Variants in SUMF1 observed in about 807,000 individuals in gnomAD.
SUMF1 encodes sulfatase modifying factor 1.
Under a neutral mutation model 47.6 loss-of-function variants are expected in SUMF1, and 48 were observed. The observed-to-expected ratio is 1.01, with a 90% CI of 0.80 to 1.28. SUMF1 has a LOEUF of 1.28. SUMF1 is among the 50% of genes most tolerant of loss of function. SUMF1 has a pLI of 0.00. For missense variants in SUMF1, 571 were observed against 485.4 expected (o/e 1.18, Z -1.66); for synonymous variants, 230 against 192.1 (o/e 1.20, Z -1.63).
intron 8 of SUMF1, among the ~76,000 whole-genome samples, chr3:4,074,496 G>A (rs896197299): frequency 6.6e-6 from 1 of 151,888 alleles, no homozygotes; most frequent in African/African-American, 2.4e-5. Flanking sequence ...GCTCAGAGCA[G>A]GACTAAAGGA....
chr3:4,389,251 T>G (rs1264397236), intron 7 of SUMF1, among the ~76,000 whole-genome samples: 3 of 152,200 alleles, frequency 2.0e-5, no homozygotes, highest in East Asian at 1.9e-4. Context: ...AACAATACTT[T>G]TCTTTCAGCA....
chr3:4,238,544 A>G (rs569945661), intron 8 of SUMF1, among the ~76,000 whole-genome samples: 4 of 152,196 alleles, frequency 2.6e-5, no homozygotes, highest in African/African-American at 9.6e-5. Context: ...TGAGTTTTTC[A>G]TATGTCTGTT....
At chr3:4,303,763 G>A in intron 8 of SUMF1, 1 of 1,465,962 alleles carries the variant, frequency 6.8e-7, no homozygotes, top group Non-Finnish European at 9.1e-7. Flanking sequence ...GCGCAGAACC[G>A]GAGGCCTTGT....
At position 4,120,506 on chromosome 3, in the gene SUMF1, A is replaced by G. The variant is rs563831186; in HGVS notation, c.1015-51761T>C. On this transcript the variant is annotated intron_variant and NMD_transcript_variant, in intron 8 of 12. Coordinates refer to the SUMF1 transcript ENST00000448413. ...TTGTACAACTCTGACCTAAAATACC[A>G]TCTTCTTTGTCTACCTGTTGGGAAA... 2.0e-5 allele frequency among the ~76,000 whole-genome samples: 3 copies of G among 152,268 alleles called. No individual in the cohort carries two copies. The South Asian group carries it at 6.2e-4, about 32-fold the overall frequency.
rs13081153 is a variant in SUMF1, at chr3:4,048,831, A to C, written c.1191+19738T>G. Reference sequence around the variant, plus strand: ...TGCTAGATTCTAATTTCTCTGAGGCAGGTTACCAACCTAATTTATTTCTGG... The same window carrying C: ...TGCTAGATTCTAATTTCTCTGAGGCCGGTTACCAACCTAATTTATTTCTGG... On this transcript the variant is annotated intron_variant and NMD_transcript_variant, in intron 9 of 12. Transcript: ENST00000448413. Among the ~76,000 whole-genome samples, 1,303 of 152,268 alleles carry C rather than the reference A, an allele frequency of 8.6e-3. 15 individuals are homozygous for C. The highest frequency in any genetic ancestry group is 0.01 in the Admixed American group (158 of 15,280).
intron 8 of SUMF1, among the ~76,000 whole-genome samples, chr3:4,238,523 A>T (rs1375801653): frequency 6.6e-6 from 1 of 152,096 alleles, no homozygotes; most frequent in Non-Finnish European, 1.5e-5. Context: ...TTCTCTAACG[A>T]CCAGTGACGA....
At chr3:4,081,258 C>G (rs1260405484) in intron 8 of SUMF1, among the ~76,000 whole-genome samples, 1 of 152,080 alleles carries the variant, frequency 6.6e-6, no homozygotes, top group Non-Finnish European at 1.5e-5. Flanking sequence ...TTTTTCTAAA[C>G]CTCAGAGCAC....
intron 8 of SUMF1, among the ~76,000 whole-genome samples, chr3:4,121,644 T>C (rs1693547317): frequency 6.6e-6 from 1 of 152,172 alleles, no homozygotes; most frequent in Non-Finnish European, 1.5e-5. Context: ...CATTCCTAGG[T>C]ATATACCCAA....
At chr3:4,458,371 C>T (rs188419276) in intron 1 of SUMF1, among the ~76,000 whole-genome samples, 40 of 152,274 alleles carry the variant, frequency 2.6e-4, no homozygotes, top group African/African-American at 8.9e-4. Flanking sequence ...AGCTATCCCA[C>T]TTCTGGGTAT....
Position 4,317,066 on chromosome 3 carries a change from C to T in SUMF1, c.1014+59264G>A, listed in dbSNP as rs766759932. ...CTGACCTCTTGCCAACCAACTACCACGTCTTTAAGCATCTCAACAACTTTT... is the reference window on the plus strand; with the variant it reads ...CTGACCTCTTGCCAACCAACTACCATGTCTTTAAGCATCTCAACAACTTTT... On this transcript the variant is annotated intron_variant and NMD_transcript_variant, in intron 8 of 12. Transcript: ENST00000448413. 37 of 1,549,114 alleles carry T rather than the reference C, an allele frequency of 2.4e-5. No individual in the cohort carries two copies. The African/African-American group carries it at 2.5e-4, about 10-fold the overall frequency.
intron 7 of SUMF1, among the ~76,000 whole-genome samples, chr3:4,400,377 T>G (rs189605406): frequency 6.6e-6 from 1 of 152,296 alleles, no homozygotes; most frequent in Non-Finnish European, 1.5e-5. Context: ...GGAGCAAAAG[T>G]GCCTATTACC....
chr3:4,307,963 G>C (rs896157280), intron 8 of SUMF1, among the ~76,000 whole-genome samples: 1 of 152,040 alleles, frequency 6.6e-6, no homozygotes, highest in African/African-American at 2.4e-5. Flanking sequence ...CTTGAGCCCA[G>C]CAGTTGGAGC....
chr3:4,465,558 T>C (rs1208419637), intron 1 of SUMF1, among the ~76,000 whole-genome samples: 2 of 151,432 alleles, frequency 1.3e-5, no homozygotes, highest in African/African-American at 2.4e-5. Context: ...TAATATCAAG[T>C]ATGGCCAATA....
intron 8 of SUMF1, among the ~76,000 whole-genome samples, chr3:4,211,675 A>G (rs1239229153): frequency 6.6e-6 from 1 of 152,156 alleles, no homozygotes; most frequent in Non-Finnish European, 1.5e-5. Flanking sequence ...TATAAACTAC[A>G]AGGTATTGGT....
chr3:4,465,691 A>G (rs1231003424), intron 1 of SUMF1, among the ~76,000 whole-genome samples: 1 of 152,168 alleles, frequency 6.6e-6, no homozygotes, highest in Non-Finnish European at 1.5e-5. Flanking sequence ...AAAAACAATG[A>G]GAAGCCCAGG....
At chr3:4,382,442 T>C (rs951095698) in intron 7 of SUMF1, among the ~76,000 whole-genome samples, 2 of 152,058 alleles carry the variant, frequency 1.3e-5, no homozygotes, top group Admixed American at 6.6e-5. Flanking sequence ...TATACTAAAA[T>C]GATTCCACGA....
chr3:4,237,992 C>T (rs1332684950), intron 8 of SUMF1, among the ~76,000 whole-genome samples: 1 of 151,782 alleles, frequency 6.6e-6, no homozygotes, highest in Non-Finnish European at 1.5e-5. Flanking sequence ...CATGTGTTCT[C>T]ATTGTTCAAC....
At chr3:4,162,791 T>C (rs1475713376) in intron 8 of SUMF1, among the ~76,000 whole-genome samples, 2 of 152,242 alleles carry the variant, frequency 1.3e-5, no homozygotes, top group African/African-American at 4.8e-5. Flanking sequence ...ACTCACCTGA[T>C]TTTTTGTTCT....
At chr3:4,139,672 G>C (rs1403527474) in intron 8 of SUMF1, among the ~76,000 whole-genome samples, 1 of 151,460 alleles carries the variant, frequency 6.6e-6, no homozygotes, top group East Asian at 1.9e-4. Flanking sequence ...TTATCTTCCT[G>C]CAGGAAAGAG....
Sources: allele counts gnomAD v4.1 joint callset (sites outside exome capture counted in the v4.1 genomes callset), GRCh38; gene constraint gnomAD v4.1.1; transcripts MANE v1.5; gene names NCBI Gene and HGNC (gene_info 2026-07-23, HGNC 2026-07-21).